ANTXR1: variants seen among roughly 807,000 people sequenced by gnomAD.
ANTXR1 encodes the protein anthrax toxin receptor 1.
Under a neutral mutation model 78.1 loss-of-function variants are expected in ANTXR1, and 19 were observed. The observed-to-expected ratio is 0.24, with a 90% CI of 0.17 to 0.36. The LOEUF (loss-of-function observed/expected upper bound fraction) is 0.36. ANTXR1 is among the 10% of genes least tolerant of loss of function. ANTXR1 has a pLI of 1.00. For synonymous variants in ANTXR1, 273 were observed against 260.5 expected (o/e 1.05, Z -0.46); for missense variants, 518 against 718.6 (o/e 0.72, Z 3.19).
intron 12 of ANTXR1, among the ~76,000 whole-genome samples, chr2:69,139,910 G>A (rs1673024283): frequency 6.6e-6 from 1 of 152,114 alleles, no homozygotes; most frequent in Admixed American, 6.5e-5. Flanking sequence ...CATAATATTT[G>A]AGCACTACTA....
chr2:69,169,944 A>G (rs1673934173), intron 13 of ANTXR1, among the ~76,000 whole-genome samples: 1 of 152,284 alleles, frequency 6.6e-6, no homozygotes, highest in Non-Finnish European at 1.5e-5. Context: ...AAATGAGTGA[A>G]TAAATTTGCA....
intron 12 of ANTXR1, among the ~76,000 whole-genome samples, chr2:69,134,335 C>T (rs187048078): frequency 6.6e-6 from 1 of 152,152 alleles, no homozygotes; most frequent in African/African-American, 2.4e-5. Context: ...GCAGCTATAC[C>T]TTTAGAGCCC....
At chr2:69,017,951 A>G (rs543410846) in intron 1 of ANTXR1, among the ~76,000 whole-genome samples, 1 of 152,008 alleles carries the variant, frequency 6.6e-6, no homozygotes, top group African/African-American at 2.4e-5. Context: ...TACATATTGG[A>G]CTATTTTACA....
At chr2:69,219,392 C>CACACACAT (rs1361340855) in intron 17 of ANTXR1, among the ~76,000 whole-genome samples, 2 of 144,856 alleles carry the variant, frequency 1.4e-5, no homozygotes, top group African/African-American at 5.6e-5. Flanking sequence ...AGGACACACA[C>CACACACAT]ACACACACAC....
At chr2:69,127,307 A>G (rs1672572100) in intron 12 of ANTXR1, among the ~76,000 whole-genome samples, 1 of 152,026 alleles carries the variant, frequency 6.6e-6, no homozygotes, top group African/African-American at 2.4e-5. Context: ...CCATGAGGCT[A>G]TGGGAGTGTG....
chr2:69,161,680 A>G, intron 13 of ANTXR1, among the ~76,000 whole-genome samples: 1 of 152,232 alleles, frequency 6.6e-6, no homozygotes, highest in East Asian at 1.9e-4. Context: ...GACTTCAATT[A>G]AAAGAATACT....
chr2:69,068,059 C>A (rs1362649273), intron 3 of ANTXR1, among the ~76,000 whole-genome samples: 4 of 152,180 alleles, frequency 2.6e-5, no homozygotes, highest in Non-Finnish European at 5.9e-5. Flanking sequence ...GGCCTCCTTC[C>A]ATATGGCCAA....
intron 10 of ANTXR1, among the ~76,000 whole-genome samples, chr2:69,117,932 G>A (rs1261123449): frequency 6.6e-6 from 1 of 152,148 alleles, no homozygotes; most frequent in African/African-American, 2.4e-5. Context: ...CAAGTCTGGG[G>A]CGTTTAGCAC....
At chr2:69,109,891 G>A (rs1573889927) in intron 10 of ANTXR1, among the ~76,000 whole-genome samples, 1 of 151,674 alleles carries the variant, frequency 6.6e-6, no homozygotes, top group Non-Finnish European at 1.5e-5. Flanking sequence ...AAACAAACAA[G>A]AAATAAAACT....
chr2:69,064,900 T>A (rs1051728297), intron 3 of ANTXR1, among the ~76,000 whole-genome samples: 2 of 152,180 alleles, frequency 1.3e-5, no homozygotes, highest in Non-Finnish European at 2.9e-5. Flanking sequence ...AGGGTAAATG[T>A]ATAGCTTTAA....
At chr2:69,176,882 A>G (rs1169605937) in intron 14 of ANTXR1, among the ~76,000 whole-genome samples, 1 of 152,178 alleles carries the variant, frequency 6.6e-6, no homozygotes, top group East Asian at 1.9e-4. Context: ...AGCCTTCTTG[A>G]GTCAAACCGG....
chr2:69,111,983 G>A (rs1314848763), intron 10 of ANTXR1, among the ~76,000 whole-genome samples: 1 of 152,172 alleles, frequency 6.6e-6, no homozygotes, highest in East Asian at 1.9e-4. Context: ...TTAGAGTCTT[G>A]CCATATGTTG....
chr2:69,217,424 G>A lies in ANTXR1; in HGVS notation c.1434+24009G>A, dbSNP rs572998618. ...TTTCTGTATCAACAACATCAACTCA[G>A]GGCTCAAGATCACCTAGGTGAGAGT... is the stretch of plus-strand genomic sequence containing the variant. On this transcript the variant is annotated intron_variant, in intron 17 of 17. Transcript: ENST00000303714. 8.5e-5 allele frequency among the ~76,000 whole-genome samples: 13 copies of A among 152,292 alleles called. 1 individual carries two copies. In the South Asian group the frequency reaches 1.5e-3, roughly 17 times the overall value.
intron 17 of ANTXR1, among the ~76,000 whole-genome samples, chr2:69,207,720 A>G (rs1674940636): frequency 6.6e-6 from 1 of 152,152 alleles, no homozygotes; most frequent in African/African-American, 2.4e-5. Flanking sequence ...TCCGCTGGCA[A>G]CACCCCCCAC....
chr2:69,215,734 G>GA (rs1023465037), intron 17 of ANTXR1, among the ~76,000 whole-genome samples: 1 of 152,132 alleles, frequency 6.6e-6, no homozygotes, highest in African/African-American at 2.4e-5. Context: ...AAGTGGCTTT[G>GA]AAAAAAATTA....
chr2:69,155,223 A>G (rs1673491414), intron 13 of ANTXR1, among the ~76,000 whole-genome samples: 2 of 152,194 alleles, frequency 1.3e-5, no homozygotes, highest in African/African-American at 4.8e-5. Flanking sequence ...GGGGAGAGAG[A>G]AAACTGACCA....
Position 69,245,344 on chromosome 2 carries a change from G to A in ANTXR1, c.1554G>A (p.Ala518=), listed in dbSNP as rs147959058. ...PAPIYTPPPP[A]PHCPPPPPSA... Reference sequence around the variant, plus strand: ...CCATCTACACTCCCCCACCTCCTGCGCCCCACTGCCCTCCCCCGCCCCCCA... The same window carrying A: ...CCATCTACACTCCCCCACCTCCTGCACCCCACTGCCCTCCCCCGCCCCCCA... The change falls in exon 18 of 18, where the codon GCG becomes GCA. Residue 518 remains alanine, a synonymous_variant. Transcript: ENST00000303714. The A allele has an allele frequency of 0.037, 53,707 of 1,445,424 alleles. 1,131 individuals carry two copies. Among genetic ancestry groups the A allele is most frequent in the Non-Finnish European group, 0.043 (47,550 of 1,102,224 alleles). The allele number at this position is 1,445,424 out of a possible 1,614,324, so 89.5% of individuals were successfully genotyped here.
At chr2:69,201,329 G>C (rs1351167839) in intron 17 of ANTXR1, among the ~76,000 whole-genome samples, 1 of 152,200 alleles carries the variant, frequency 6.6e-6, no homozygotes, top group African/African-American at 2.4e-5. Context: ...CAGATCTGCA[G>C]GTGAGACTGT....
chr2:69,057,206 T>C (rs1670096197), intron 3 of ANTXR1, among the ~76,000 whole-genome samples: 1 of 152,214 alleles, frequency 6.6e-6, no homozygotes, highest in South Asian at 2.1e-4. Context: ...CTTTTTGTTA[T>C]TATAAACAAA....
Sources: allele counts gnomAD v4.1 joint callset (sites outside exome capture counted in the v4.1 genomes callset), GRCh38; gene constraint gnomAD v4.1.1; transcripts MANE v1.5; gene names NCBI Gene and HGNC (gene_info 2026-07-23, HGNC 2026-07-21).